ZNF48: variants seen among roughly 807,000 people sequenced by gnomAD.
ZNF48 encodes the protein zinc finger protein 48, also known as zinc finger protein 553.
ZNF48 carries 20 observed loss-of-function variants against 40.0 expected under a neutral mutation model. The observed-to-expected ratio is 0.50, with a 90% CI of 0.35 to 0.73. The LOEUF (loss-of-function observed/expected upper bound fraction) is 0.73, where lower values mean the gene tolerates loss of function less well. Among genes scored for constraint, ZNF48 ranks in the 30% least tolerant of loss-of-function variants. The pLI is 0.01. For synonymous variants in ZNF48, 298 were observed against 329.7 expected, an observed-to-expected ratio of 0.90 and a Z score of 1.04; for missense variants, 726 against 851.9, an observed-to-expected ratio of 0.85 and a Z score of 1.84.
At chr16:30,390,087 C>T (rs1354786368) in intron 1 of ZNF48, among the ~76,000 whole-genome samples, 1 of 151,894 alleles carries the variant, frequency 6.6e-6, no homozygotes, top group African/African-American at 2.4e-5. Context: ...TCCCAAAGCA[C>T]TAGGATTCCA....
intron 1 of ZNF48, among the ~76,000 whole-genome samples, chr16:30,383,390 C>T (rs1443790881): frequency 6.6e-6 from 1 of 152,166 alleles, no homozygotes; most frequent in African/African-American, 2.4e-5. Context: ...GAGATTTCAC[C>T]GTGTTAGCCA....
upstream of ZNF48, among the ~76,000 whole-genome samples, chr16:30,392,091 C>T (rs558762838): frequency 6.6e-6 from 1 of 152,208 alleles, no homozygotes; most frequent in Non-Finnish European, 1.5e-5. Flanking sequence ...GGCGCGATCT[C>T]GGCTAACTGG....
chr16:30,398,947 C>G lies in ZNF48; in HGVS notation c.1697C>G (p.Thr566Arg). ...SDLVKHRRTH[T>R]GEKPYKCAEC... ...CTGGTCAAACACAGGCGTACACACACGGGGGAGAAGCCATACAAGTGTGCA... is the reference window on the plus strand; with the variant it reads ...CTGGTCAAACACAGGCGTACACACAGGGGGGAGAAGCCATACAAGTGTGCA... The change falls in exon 3 of 3, where the codon ACG becomes AGG. Residue 566 changes from threonine (T) to arginine (R), a missense_variant. Physicochemically the swap from Thr to Arg is moderately conservative, Grantham distance 71. Transcript: ENST00000613509. The surrounding 1 kb of genome is among the most constrained non-coding windows in gnomAD (Gnocchi z 6.6). 1 of 1,613,942 alleles carries G rather than the reference C, an allele frequency of 6.2e-7. No individual in the cohort carries two copies. The highest frequency in any genetic ancestry group is 1.1e-5 in the South Asian group (1 of 91,074).
intron 1 of ZNF48, among the ~76,000 whole-genome samples, chr16:30,384,750 C>T (rs753386335): frequency 2.6e-5 from 4 of 151,420 alleles, no homozygotes; most frequent in Non-Finnish European, 2.9e-5. Flanking sequence ...TGGTGGTGCA[C>T]GCCTGTAATC....
chr16:30,394,432 G>C (rs2049964198), upstream of ZNF48: 1 of 152,212 alleles, frequency 6.6e-6, no homozygotes, highest in Non-Finnish European at 1.5e-5. Context: ...CTGGGATCTT[G>C]CTCCTAGGGC....
chr16:30,390,756 GACT>G (rs2049936719), upstream of ZNF48, among the ~76,000 whole-genome samples: 1 of 151,758 alleles, frequency 6.6e-6, no homozygotes, highest in South Asian at 2.1e-4. Context: ...GAGTAGCTGG[GACT>G]ACAGGCGCCC....
chr16:30,389,942 G>C (rs1304423894), intron 1 of ZNF48, among the ~76,000 whole-genome samples: 2 of 140,092 alleles, frequency 1.4e-5, no homozygotes, highest in Non-Finnish European at 3.0e-5. Flanking sequence ...GCTCACTTCT[G>C]CCTCCCAAGT....
At chr16:30,386,406 C>T (rs921373839) in intron 1 of ZNF48, among the ~76,000 whole-genome samples, 4 of 151,090 alleles carry the variant, frequency 2.6e-5, no homozygotes, top group African/African-American at 9.7e-5. Flanking sequence ...GGAGTGGTGG[C>T]TCATGCCTGT....
rs1369194943 is a variant in ZNF48 at position 30,382,154 on chromosome 16, G to T, written c.-16+3744G>T. 1 of 1,602,058 alleles carries T rather than the reference G, an allele frequency of 6.2e-7. No individual in the cohort carries two copies. On this transcript the variant is annotated intron_variant, in intron 1 of 2. Transcript: ENST00000528032. This position sits in a 1 kb window ranked among gnomAD's most constrained non-coding sequence, Gnocchi z 4.8. Reference sequence around the variant, plus strand: ...TGGTGAGGAAGAGGCTGTTGATGAGGGTGGATTTCCCTAGGCCTGACTCCC... The same window carrying T: ...TGGTGAGGAAGAGGCTGTTGATGAGTGTGGATTTCCCTAGGCCTGACTCCC...
Position 30,397,927 on chromosome 16 carries a change from G to T in ZNF48, c.677G>T (p.Gly226Val). The change falls in exon 3 of 3, where the codon GGC (glycine) becomes GTC (valine). Residue 226 changes from glycine to valine, a missense_variant. Physicochemically the swap from Gly to Val is moderately radical, Grantham distance 109 (BLOSUM62 -3). Around this residue, in one of 5 missense-constraint regions of ZNF48, gnomAD observed 378 missense variants for 449.1 expected, o/e 0.84. Coordinates refer to ENST00000613509, the MANE Select transcript of ZNF48 (RefSeq NM_001214909.2). This position sits in a 1 kb window ranked among gnomAD's most constrained non-coding sequence, Gnocchi z 4.1. The part of the protein sequence containing the change: ...GEKPYKCGIC[G>V]KGFGDSSARI... ...AAGCCCTACAAGTGTGGCATATGTG[G>T]CAAGGGCTTTGGCGACAGTTCCGCC... 2.5e-6 allele frequency: 4 copies of T among 1,613,168 alleles called. No homozygotes were observed. The highest frequency in any genetic ancestry group is 3.4e-6 in the Non-Finnish European group (4 of 1,179,212).
upstream of ZNF48, chr16:30,394,399 C>T (rs2049963957): frequency 6.6e-6 from 1 of 152,180 alleles, no homozygotes; most frequent in Admixed American, 6.6e-5. Context: ...ACCCCAAAAC[C>T]AAGCCCGCCC....
chr16:30,399,253 G>A lies in ZNF48; in HGVS notation c.*146G>A. On this transcript the variant is annotated 3_prime_UTR_variant, in exon 3 of 3. Transcript: ENST00000613509. ...TAGATAGAAATAGGGATTGGAGACAGTAACCTTGAAGCTCAGGAAACTGTC... is the reference window on the plus strand; with the variant it reads ...TAGATAGAAATAGGGATTGGAGACAATAACCTTGAAGCTCAGGAAACTGTC... The A allele has an allele frequency of 1.2e-6, 1 of 843,018 alleles. No individual in the cohort carries two copies. Among genetic ancestry groups the A allele is most frequent in the Non-Finnish European group, 1.8e-6 (1 of 566,444 alleles). The allele number at this position is 843,018 out of a possible 1,614,324, so 52.2% of individuals were successfully genotyped here. A position where few individuals can be genotyped will look rare whatever the true frequency, so the allele number is the denominator to read the frequency against.
At chr16:30,393,819 G>A (rs1223689408), upstream of ZNF48, among the ~76,000 whole-genome samples, 1 of 151,988 alleles carries the variant, frequency 6.6e-6, no homozygotes, top group Non-Finnish European at 1.5e-5. Flanking sequence ...GGGCTCAGGT[G>A]ATCCTCCTGC....
upstream of ZNF48, among the ~76,000 whole-genome samples, chr16:30,391,475 A>G (rs1477699491): frequency 6.6e-6 from 1 of 150,626 alleles, no homozygotes; most frequent in East Asian, 1.9e-4. Flanking sequence ...GGCGTGAGCC[A>G]CTGCTCCTGG....
intron 1 of ZNF48, among the ~76,000 whole-genome samples, chr16:30,384,612 C>CA (rs1280597217): frequency 6.6e-6 from 1 of 152,072 alleles, no homozygotes; most frequent in Non-Finnish European, 1.5e-5. Flanking sequence ...TGCGGTGGCT[C>CA]ATGCCTGTAA....
In ZNF48 at chr16:30,381,180, T is replaced by C. The variant is rs1378956531; in HGVS notation, c.-16+2770T>C. ...GGCATCAGAGCATCCGCTTTGCCAA[T>C]GACTGGGATGATGTTGACTTTCTCG... On this transcript the variant is annotated intron_variant, in intron 1 of 2. Transcript: ENST00000528032. The surrounding 1 kb of genome is among the most constrained non-coding windows in gnomAD (Gnocchi z 4.3). 12 of 1,614,056 alleles carry C rather than the reference T, an allele frequency of 7.4e-6. No homozygotes were observed. The highest frequency in any genetic ancestry group is 9.3e-6 in the Non-Finnish European group (11 of 1,180,016).
intron 1 of ZNF48, chr16:30,379,576 C>T: frequency 1.4e-6 from 2 of 1,450,486 alleles, no homozygotes; most frequent in Non-Finnish European, 1.9e-6. Flanking sequence ...GCTCACACGG[C>T]AGAAACTTTC....
intron 1 of ZNF48, chr16:30,379,179 C>T (rs2049802184): frequency 2.5e-6 from 4 of 1,613,960 alleles, no homozygotes; most frequent in Non-Finnish European, 3.4e-6. Flanking sequence ...GATGTGGGTT[C>T]TCCACTGGAG....
In ZNF48 at chr16:30,383,540, G is replaced by T. The variant is rs936257049; in HGVS notation, c.-16+5130G>T. On this transcript the variant is annotated intron_variant, in intron 1 of 2. Transcript: ENST00000528032. ...AAAAAGTGGACCAGAAGCCATGATG[G>T]GATTGGGAGTGGGTGAAGCCATACA... 4.6e-5 allele frequency among the ~76,000 whole-genome samples: 7 copies of T among 152,268 alleles called. No individual in the cohort carries two copies. In the South Asian group the frequency reaches 1.2e-3, roughly 27 times the overall value.
Sources: gnomAD v4.1 joint callset for allele counts (sites outside exome capture counted in the v4.1 genomes callset) on GRCh38, gnomAD v4.1.1 for gene constraint, gnomAD v4.1.1 regional missense constraint, Gnocchi (gnomAD v3.1) non-coding constraint, MANE v1.5 for transcripts, NCBI Gene and HGNC (gene_info 2026-07-23, HGNC 2026-07-21) for gene names.